Variants in SAMTOR observed in about 807,000 individuals in gnomAD.
The protein encoded by SAMTOR is UPF0532 protein C7orf60.
At chr7:112,883,313 T>C in the SAMTOR span, among the ~76,000 whole-genome samples, 1 of 152,194 alleles carries the variant, frequency 6.6e-6, no homozygotes, top group Non-Finnish European at 1.5e-5. Flanking sequence ...TTCTTTCCTT[T>C]TGTCTGTCTC....
the SAMTOR span, among the ~76,000 whole-genome samples, chr7:112,827,232 C>T: frequency 1.3e-5 from 2 of 152,140 alleles, no homozygotes; most frequent in African/African-American, 4.8e-5. Flanking sequence ...CCCAATCTGC[C>T]AGTCTTTGCC....
the SAMTOR span, among the ~76,000 whole-genome samples, chr7:112,849,587 A>C: frequency 6.6e-6 from 1 of 152,214 alleles, no homozygotes; most frequent in East Asian, 1.9e-4. Flanking sequence ...GATGCCCTTT[A>C]TTTCTTTCTG....
At chr7:112,892,405 A>T in the SAMTOR span, among the ~76,000 whole-genome samples, 2 of 152,144 alleles carry the variant, frequency 1.3e-5, no homozygotes, top group Non-Finnish European at 2.9e-5. Context: ...GAAGGTTTTA[A>T]TGGACTTTGC....
At chr7:112,820,674 A>G in the SAMTOR span, 2 of 152,088 alleles carry the variant, frequency 1.3e-5, no homozygotes, top group Non-Finnish European at 2.9e-5. Context: ...AAATTCCCAC[A>G]GCCAACTAAT....
the SAMTOR span, among the ~76,000 whole-genome samples, chr7:112,836,404 A>G: frequency 6.6e-6 from 1 of 151,492 alleles, no homozygotes; most frequent in African/African-American, 2.4e-5. Flanking sequence ...ATGCATGGTT[A>G]TATTTTCTCC....
chr7:112,831,449 G>T, the SAMTOR span, among the ~76,000 whole-genome samples: 3 of 152,150 alleles, frequency 2.0e-5, no homozygotes, highest in Non-Finnish European at 2.9e-5. Context: ...CTGAGGTCAG[G>T]AGTTCGAGAC....
At chr7:112,821,907 T>C in the SAMTOR span, 1 of 1,613,256 alleles carries the variant, frequency 6.2e-7, no homozygotes, top group Non-Finnish European at 8.5e-7. Context: ...AGGGTTAGAA[T>C]ATTCCTCATC....
the SAMTOR span, among the ~76,000 whole-genome samples, chr7:112,838,183 T>C: frequency 6.6e-6 from 1 of 151,980 alleles, no homozygotes; most frequent in Admixed American, 6.6e-5. Flanking sequence ...TGAGTCAAAT[T>C]TTTTGCCACA....
the SAMTOR span, among the ~76,000 whole-genome samples, chr7:112,904,637 A>C: frequency 6.6e-6 from 1 of 152,218 alleles, no homozygotes; most frequent in African/African-American, 2.4e-5. Context: ...AAATGAAGCA[A>C]AAGAAAGGAA....
At chr7:112,937,069 A>C in the SAMTOR span, among the ~76,000 whole-genome samples, 1 of 152,216 alleles carries the variant, frequency 6.6e-6, no homozygotes, top group Non-Finnish European at 1.5e-5. Context: ...AAAATGAAGA[A>C]GCTATTAGAT....
the SAMTOR span, among the ~76,000 whole-genome samples, chr7:112,824,350 T>C: frequency 1.3e-5 from 2 of 152,046 alleles, no homozygotes; most frequent in Non-Finnish European, 2.9e-5. Flanking sequence ...TTTTGAGTTT[T>C]TTTTGTTTGT....
the SAMTOR span, among the ~76,000 whole-genome samples, chr7:112,923,889 T>G: frequency 6.6e-6 from 1 of 152,206 alleles, no homozygotes; most frequent in South Asian, 2.1e-4. Context: ...TCATGTCCTT[T>G]GTAGGGATAT....
At chr7:112,850,174 C>G in the SAMTOR span, among the ~76,000 whole-genome samples, 475 of 152,082 alleles carry the variant, frequency 3.1e-3, 6 homozygotes, top group Middle Eastern at 0.017. Context: ...GCACTCCAGC[C>G]TGGGTAACAA....
At chr7:112,900,407 C>G in the SAMTOR span, among the ~76,000 whole-genome samples, 6 of 152,234 alleles carry the variant, frequency 3.9e-5, no homozygotes, top group African/African-American at 1.4e-4. Context: ...AAGAGGCCTA[C>G]TCACCCACAA....
the SAMTOR span, among the ~76,000 whole-genome samples, chr7:112,910,676 C>A: frequency 6.6e-6 from 1 of 152,008 alleles, no homozygotes; most frequent in East Asian, 1.9e-4. Flanking sequence ...TAATATGACA[C>A]AAAATGATGT....
At chr7:112,851,377 C>T in the SAMTOR span, among the ~76,000 whole-genome samples, 38 of 151,960 alleles carry the variant, frequency 2.5e-4, no homozygotes, top group Non-Finnish European at 4.0e-4. Flanking sequence ...AAAGCAGAAC[C>T]CAGAAATAAA....
the SAMTOR span, among the ~76,000 whole-genome samples, chr7:112,863,268 A>T: frequency 2.0e-5 from 3 of 152,170 alleles, no homozygotes; most frequent in African/African-American, 7.2e-5. Flanking sequence ...TCCTTAAGCC[A>T]TACACAAAAA....
the SAMTOR span, among the ~76,000 whole-genome samples, chr7:112,896,208 C>T: frequency 1.3e-5 from 2 of 151,552 alleles, no homozygotes; most frequent in Non-Finnish European, 2.9e-5. Context: ...CGCGCACGCG[C>T]GTGTGTGTGT....
chr7:112,847,906 G>C, the SAMTOR span, among the ~76,000 whole-genome samples: 1 of 152,180 alleles, frequency 6.6e-6, no homozygotes, highest in African/African-American at 2.4e-5. Flanking sequence ...TGGGAGGCTA[G>C]GGCAGGAGGA....
Sources: gnomAD v4.1 joint callset for allele counts (sites outside exome capture counted in the v4.1 genomes callset) on GRCh38, gnomAD v4.1.1 for gene constraint, MANE v1.5 for transcripts, NCBI Gene and HGNC (gene_info 2026-07-23, HGNC 2026-07-21) for gene names.